Variants in SYTL3 observed in about 807,000 individuals in gnomAD.
The protein encoded by SYTL3 is synaptotagmin like 3, also known as synaptotagmin-like protein 3.
Under a neutral mutation model 82.1 loss-of-function variants are expected in SYTL3, and 88 were observed. The ratio of observed to expected loss-of-function variants is 1.07; its 90% CI spans 0.90 to 1.28. The LOEUF (loss-of-function observed/expected upper bound fraction) is 1.28. Among genes scored for constraint, SYTL3 ranks in the 50% most tolerant of loss-of-function variants. SYTL3 has a pLI of 0.00. For missense variants in SYTL3, 831 were observed against 757.6 expected, an observed-to-expected ratio of 1.10 and a Z score of -1.14; for synonymous variants, 311 against 289.4, an observed-to-expected ratio of 1.07 and a Z score of -0.76.
chr6:158,700,758 AGG>A (rs1562392273), intron 6 of SYTL3, among the ~76,000 whole-genome samples: 2 of 152,170 alleles, frequency 1.3e-5, no homozygotes, highest in African/African-American at 2.4e-5. Context: ...CTGGGACTAC[AGG>A]TGCCCGCCAC....
intron 12 of SYTL3, among the ~76,000 whole-genome samples, chr6:158,750,541 C>G (rs1562460585): frequency 6.6e-6 from 1 of 152,110 alleles, no homozygotes; most frequent in African/African-American, 2.4e-5. Flanking sequence ...TTTTTTGAGA[C>G]AGAGTCTTGC....
In SYTL3 at chr6:158,761,693, C is replaced by T. The variant is rs140989228; in HGVS notation, c.1415-383C>T. ...CTGCTACCCAAGTTCACGGGGTCAC[C>T]AGCAGACCAGCAGCAAGTGCCCCAT... On this transcript the variant is annotated intron_variant, in intron 15 of 17. Coordinates refer to ENST00000611299, the MANE Select transcript of SYTL3 (RefSeq NM_001242394.2). Among the ~76,000 whole-genome samples, 137 of 152,324 alleles carry T rather than the reference C, an allele frequency of 9.0e-4. No individual in the cohort carries two copies. The East Asian group carries it at 0.014, about 15-fold the overall frequency.
At chr6:158,675,172 T>G (rs1235144391) in intron 5 of SYTL3, among the ~76,000 whole-genome samples, 1 of 152,172 alleles carries the variant, frequency 6.6e-6, no homozygotes, top group African/African-American at 2.4e-5. Context: ...GATGCCCCCC[T>G]GCGGAGGGGA....
intron 6 of SYTL3, among the ~76,000 whole-genome samples, chr6:158,687,623 G>A (rs564730598): frequency 1.3e-5 from 2 of 152,282 alleles, no homozygotes; most frequent in Admixed American, 1.3e-4. Context: ...AATCAAACTT[G>A]ACTCCTTTGT....
intron 15 of SYTL3, among the ~76,000 whole-genome samples, chr6:158,761,406 C>T (rs1342732624): frequency 6.7e-6 from 1 of 148,618 alleles, no homozygotes; most frequent in African/African-American, 2.5e-5. Context: ...TGATTCATGC[C>T]ATTCTCCTGC....
At chr6:158,730,495 G>T (rs1338874548) in intron 11 of SYTL3, among the ~76,000 whole-genome samples, 1 of 152,230 alleles carries the variant, frequency 6.6e-6, no homozygotes, top group African/African-American at 2.4e-5. Context: ...CCCGTACGGG[G>T]ATACACTCCT....
chr6:158,692,895 A>T (rs1168545986), intron 6 of SYTL3, among the ~76,000 whole-genome samples: 5 of 151,868 alleles, frequency 3.3e-5, no homozygotes, highest in African/African-American at 1.2e-4. Context: ...AGGTTGCAGT[A>T]AGCCGAGATC....
intron 2 of SYTL3, among the ~76,000 whole-genome samples, chr6:158,652,994 C>T (rs766625182): frequency 8.5e-5 from 13 of 152,172 alleles, no homozygotes; most frequent in Non-Finnish European, 1.6e-4. Flanking sequence ...AGGTGTCATT[C>T]GCTTCCCAGA....
rs542151318 is a variant in SYTL3 at position 158,702,063 on chromosome 6, CCTGGG to C, written c.395-5164_395-5160del. Among the ~76,000 whole-genome samples the C allele has an allele frequency of 5.3e-5, 8 of 152,114 alleles. No individual in the cohort carries two copies. In the South Asian group the frequency reaches 1.7e-3, roughly 32 times the overall value. On this transcript the variant is annotated intron_variant, in intron 6 of 17. Coordinates refer to ENST00000611299, the MANE Select transcript of SYTL3 (RefSeq NM_001242394.2). ...TTATAGCTCACTGTAGCCTGTCAGT[CCTGGG>C]CTCAAGCTATCCTCCCACCTCAGCC...
Position 158,763,474 on chromosome 6 carries a change from A to C in SYTL3, c.1688A>C (p.Asn563Thr). 1 of 1,614,186 alleles carries C rather than the reference A, an allele frequency of 6.2e-7. No homozygotes were observed. The part of the protein sequence containing the change: ...TVWDQALFGM[N>T]DRLLGGTRLG... ...TGGGATCAGGCCCTCTTTGGAATGA[A>C]CGACCGCTTGCTTGGAGGAACCAGA... Residue 563 changes from asparagine to threonine, a missense_variant, in exon 17 of 18, where the codon AAC becomes ACC. Physicochemically the swap from Asn to Thr is moderately conservative, Grantham distance 65. Coordinates refer to ENST00000611299, the MANE Select transcript of SYTL3 (RefSeq NM_001242394.2).
chr6:158,650,852 G>A (rs1196647815), intron 1 of SYTL3, among the ~76,000 whole-genome samples: 1 of 152,038 alleles, frequency 6.6e-6, no homozygotes, highest in Admixed American at 6.6e-5. Flanking sequence ...CCAGGAGGCT[G>A]AGGCACGAGA....
At chr6:158,705,889 C>A (rs926996282) in intron 6 of SYTL3, among the ~76,000 whole-genome samples, 2 of 152,150 alleles carry the variant, frequency 1.3e-5, no homozygotes, top group East Asian at 3.9e-4. Flanking sequence ...GGTCTGTGCT[C>A]GCCCCAGGAT....
intron 11 of SYTL3, among the ~76,000 whole-genome samples, chr6:158,731,633 A>G (rs1189653997): frequency 1.3e-5 from 2 of 152,066 alleles, no homozygotes; most frequent in African/African-American, 2.4e-5. Context: ...TCGCTCTGTC[A>G]CCCAGGCTGG....
intron 12 of SYTL3, among the ~76,000 whole-genome samples, chr6:158,749,935 C>G (rs916015723): frequency 6.6e-6 from 1 of 152,178 alleles, no homozygotes; most frequent in Non-Finnish European, 1.5e-5. Context: ...CCCTATCACT[C>G]CTGGTTATAT....
At chr6:158,693,512 G>T (rs1780146863) in intron 6 of SYTL3, among the ~76,000 whole-genome samples, 1 of 152,264 alleles carries the variant, frequency 6.6e-6, no homozygotes, top group South Asian at 2.1e-4. Context: ...AGCCTCCTGA[G>T]TAGTGGAGAT....
At chr6:158,703,936 T>C (rs547452169) in intron 6 of SYTL3, among the ~76,000 whole-genome samples, 58 of 151,328 alleles carry the variant, frequency 3.8e-4, no homozygotes, top group African/African-American at 1.4e-3. Flanking sequence ...GCCTCTTGAG[T>C]TCAGCCTCCC....
intron 5 of SYTL3, among the ~76,000 whole-genome samples, chr6:158,675,748 C>T (rs1264266472): frequency 6.6e-6 from 1 of 152,126 alleles, no homozygotes; most frequent in East Asian, 1.9e-4. Context: ...GAGATCGAGA[C>T]CATCCTGGCT....
intron 11 of SYTL3, among the ~76,000 whole-genome samples, chr6:158,741,117 G>C (rs1447906630): frequency 2.0e-5 from 3 of 152,150 alleles, no homozygotes; most frequent in Admixed American, 1.3e-4. Context: ...GCCCAGGCTG[G>C]AGTGCAGTGG....
At chr6:158,686,153 C>A (rs1472976006) in intron 6 of SYTL3, among the ~76,000 whole-genome samples, 1 of 152,124 alleles carries the variant, frequency 6.6e-6, no homozygotes, top group East Asian at 1.9e-4. Context: ...AGTATGTTAT[C>A]AAGGTGACTT....
Sources: gnomAD v4.1 joint callset for allele counts (sites outside exome capture counted in the v4.1 genomes callset) on GRCh38, gnomAD v4.1.1 for gene constraint, MANE v1.5 for transcripts, NCBI Gene and HGNC (gene_info 2026-07-23, HGNC 2026-07-21) for gene names.